The following USP39 variants were observed in gnomAD, a reference collection of about 807,000 sequenced individuals.
The protein encoded by USP39 is ubiquitin carboxyl-terminal hydrolase 39.
USP39 carries 38 observed loss-of-function variants against 66.4 expected under a neutral mutation model. The observed-to-expected ratio is 0.57, with a 90% CI of 0.44 to 0.75. The LOEUF (loss-of-function observed/expected upper bound fraction) is 0.75. Among genes scored for constraint, USP39 ranks in the 30% least tolerant of loss-of-function variants. The probability of loss-of-function intolerance (pLI) is 0.00; values close to 1 mark genes in which losing one functional copy is unlikely to be tolerated. For synonymous variants in USP39, 303 were observed against 274.6 expected (o/e 1.10, Z -1.02); for missense variants, 608 against 714.4 (o/e 0.85, Z 1.70).
At chr2:85,623,532 T>G (rs1674619624) in intron 3 of USP39, 114 bp from the exon 4 acceptor site, 10 of 1,383,508 alleles carry the variant, frequency 7.2e-6, no homozygotes, top group Non-Finnish European at 6.7e-6. Flanking sequence ...GCATAATATT[T>G]GTTTTTTGCG....
chr2:85,640,181 T>G (rs1676115084), intron 9 of USP39, among the ~76,000 whole-genome samples: 1 of 152,052 alleles, frequency 6.6e-6, no homozygotes, highest in Non-Finnish European at 1.5e-5. Context: ...CAGTGCCCCC[T>G]CTTGTACTTC....
chr2:85,632,543 G>A (rs1039809907), intron 6 of USP39, among the ~76,000 whole-genome samples: 3 of 151,522 alleles, frequency 2.0e-5, no homozygotes, highest in Admixed American at 1.3e-4. Flanking sequence ...CGCCTCCTGG[G>A]TTCAGGTGAT....
At chr2:85,612,220 T>G (rs1673606321), upstream of USP39, 1 of 1,296,438 alleles carries the variant, frequency 7.7e-7, no homozygotes, top group Admixed American at 2.4e-5. Flanking sequence ...TGTTTTTGTT[T>G]TTTTTTGTTT....
intron 5 of USP39, among the ~76,000 whole-genome samples, chr2:85,626,718 T>C (rs1674891222): frequency 6.6e-6 from 1 of 151,982 alleles, no homozygotes; most frequent in South Asian, 2.1e-4. Context: ...CTGTCCTATT[T>C]TCTTTTTTTT....
At chr2:85,612,141 G>C (rs1036568227), upstream of USP39, 2 of 890,280 alleles carry the variant, frequency 2.2e-6, no homozygotes, top group East Asian at 2.7e-5. Context: ...AGCGCACGGA[G>C]TTTTCGGGTC....
At chr2:85,620,075 C>G (rs1270335836) in intron 2 of USP39, among the ~76,000 whole-genome samples, 2 of 151,896 alleles carry the variant, frequency 1.3e-5, no homozygotes, top group Non-Finnish European at 2.9e-5. Context: ...CCAGGCTGAC[C>G]TCAAACTCCT....
intron 2 of USP39, among the ~76,000 whole-genome samples, chr2:85,620,004 G>A (rs1264733348): frequency 6.6e-6 from 1 of 151,924 alleles, no homozygotes; most frequent in African/African-American, 2.4e-5. Flanking sequence ...ACAGGTGCCC[G>A]CCACCACGCC....
upstream of USP39, among the ~76,000 whole-genome samples, chr2:85,613,772 A>ATT (rs201185317): frequency 2.0e-5 from 3 of 151,382 alleles, no homozygotes; most frequent in Non-Finnish European, 4.4e-5. Flanking sequence ...GATTCTTTAA[A>ATT]TTTTTTTTTA....
chr2:85,628,871 G>A (rs1487659777), intron 5 of USP39, among the ~76,000 whole-genome samples: 1 of 152,110 alleles, frequency 6.6e-6, no homozygotes, highest in Non-Finnish European at 1.5e-5. Flanking sequence ...TGCTCTCTGT[G>A]TTCTGAGTTG....
intron 6 of USP39, 108 bp from the exon 7 acceptor site, chr2:85,635,940 GATGGC>G: frequency 1.0e-6 from 1 of 963,376 alleles, no homozygotes; most frequent in Non-Finnish European, 1.7e-6. Flanking sequence ...GTTGGGATGG[GATGGC>G]ATGGCCAGAG....
chr2:85,607,771 C>G (rs1213874527), upstream of USP39: 1 of 152,182 alleles, frequency 6.6e-6, no homozygotes, highest in East Asian at 1.9e-4. Flanking sequence ...TGAGGTTAGG[C>G]TGATATGCTG....
Position 85,616,440 on chromosome 2 carries a change from C to G in USP39, c.245C>G (p.Ser82Trp), listed in dbSNP as rs748222143. The G allele has an allele frequency of 2.9e-5, 46 of 1,568,902 alleles. No homozygotes were observed. The highest frequency in any genetic ancestry group is 3.8e-5 in the Non-Finnish European group (44 of 1,152,762). The change falls in exon 1 of 13, where the codon TCG becomes TGG. Residue 82 changes from serine (S) to tryptophan (W), a missense_variant. By Grantham distance (177) the Ser-to-Trp change is radical. Around this residue, in one of 6 missense-constraint regions of USP39, gnomAD observed 207 missense variants for 145.7 expected, o/e 1.42. Transcript: ENST00000323701. The stretch of plus-strand genomic sequence containing the variant: ...CGGGAGCGCGAGGTCGATGAGGACT[C>G]GGAGCCTGAGCGGGAGGTGCGAGGT... ...VKREREVDED[S>W]EPEREVRAKN...
intron 1 of USP39, chr2:85,606,850 C>T (rs1033836801): frequency 2.7e-5 from 4 of 148,404 alleles, no homozygotes; most frequent in Admixed American, 6.7e-5. Context: ...GGTGTGATCT[C>T]GGCTCACTGC....
At chr2:85,627,967 G>T (rs1403171772) in intron 5 of USP39, among the ~76,000 whole-genome samples, 1 of 151,732 alleles carries the variant, frequency 6.6e-6, no homozygotes, top group East Asian at 1.9e-4. Flanking sequence ...TTCTTATTTG[G>T]CCTTTAAATT....
At chr2:85,625,015 A>AAATT (rs1322286564) in intron 4 of USP39, among the ~76,000 whole-genome samples, 1 of 151,992 alleles carries the variant, frequency 6.6e-6, no homozygotes, top group Non-Finnish European at 1.5e-5. Context: ...AAACTGGGCT[A>AAATT]AATTCAGTGT....
At chr2:85,612,946 C>A, upstream of USP39, among the ~76,000 whole-genome samples, 1 of 148,836 alleles carries the variant, frequency 6.7e-6, no homozygotes, top group South Asian at 2.1e-4. Flanking sequence ...CAGGCATGAG[C>A]CACCGTGCCC....
rs903704007 is a variant in USP39, at chr2:85,620,699, C to A, written c.339-786C>A. 1.1e-4 allele frequency among the ~76,000 whole-genome samples: 17 copies of A among 152,284 alleles called. 1 individual carries two copies. The South Asian group carries it at 3.3e-3, about 30-fold the overall frequency. Reference sequence around the variant, plus strand: ...TTGGTATTTGAAGGGGTCCTAGAACCAGTGTCCTGTGGCTACTGAGGGACA... The same window carrying A: ...TTGGTATTTGAAGGGGTCCTAGAACAAGTGTCCTGTGGCTACTGAGGGACA... On this transcript the variant is annotated intron_variant, in intron 2 of 12. Transcript: ENST00000323701.
intron 6 of USP39, among the ~76,000 whole-genome samples, chr2:85,634,344 T>C (rs1455819566): frequency 6.6e-6 from 1 of 151,616 alleles, no homozygotes; most frequent in Non-Finnish European, 1.5e-5. Flanking sequence ...GAGGCCGAAG[T>C]GGGAGGATTG....
At chr2:85,633,428 G>GA (rs1193195840) in intron 6 of USP39, among the ~76,000 whole-genome samples, 2 of 152,094 alleles carry the variant, frequency 1.3e-5, no homozygotes, top group Admixed American at 6.6e-5. Context: ...CGGCCTCATT[G>GA]AAGGCTTTTA....
Sources: gnomAD v4.1 joint callset for allele counts (sites outside exome capture counted in the v4.1 genomes callset) on GRCh38, gnomAD v4.1.1 for gene constraint, gnomAD v4.1.1 regional missense constraint, MANE v1.5 for transcripts, NCBI Gene and HGNC (gene_info 2026-07-23, HGNC 2026-07-21) for gene names.